The following LIFR variants were observed in gnomAD, a reference collection of about 807,000 sequenced individuals.
LIFR encodes the protein LIF receptor subunit alpha.
A neutral mutation model predicts 122.2 loss-of-function variants in LIFR; 84 were observed. That is an observed-to-expected ratio of 0.69 (90% CI 0.58 to 0.82). The LOEUF (loss-of-function observed/expected upper bound fraction) is 0.82, where lower values mean the gene tolerates loss of function less well. Ranked by LOEUF, LIFR falls within the 40% of genes least tolerant of loss-of-function variation. The pLI is 0.00. For missense variants in LIFR, 1,294 were observed against 1,311.6 expected, an observed-to-expected ratio of 0.99 and a Z score of 0.21; for synonymous variants, 422 against 434.7, an observed-to-expected ratio of 0.97 and a Z score of 0.36.
chr5:38,574,478 T>A (rs1414185786), intron 1 of LIFR, among the ~76,000 whole-genome samples: 1 of 152,196 alleles, frequency 6.6e-6, no homozygotes, highest in Non-Finnish European at 1.5e-5. Context: ...CAAGGACACT[T>A]TTTTGTTTCC....
rs575862798 is a variant in LIFR at position 38,481,430 on chromosome 5, C to T, written c.*165G>A. ...GAGTCACTATACTTTGGCTTTTAGA[C>T]TACATTAAAAGCACATGAACACTTT... On this transcript the variant is annotated 3_prime_UTR_variant, in exon 20 of 20. Transcript: ENST00000453190. 2.6e-6 allele frequency: 2 copies of T among 778,354 alleles called. No individual in the cohort carries two copies. The highest frequency in any genetic ancestry group is 2.5e-5 in the East Asian group (1 of 39,534). 48.2% of individuals were successfully genotyped at this position (778,354 alleles called of 1,614,324 possible).
chr5:38,500,077 C>A (rs1580047293), intron 11 of LIFR, among the ~76,000 whole-genome samples: 1 of 152,080 alleles, frequency 6.6e-6, no homozygotes, highest in Non-Finnish European at 1.5e-5. Flanking sequence ...TTCCCTTCAC[C>A]CCCTCCTTAT....
At chr5:38,583,108 A>G (rs1302379436) in intron 1 of LIFR, among the ~76,000 whole-genome samples, 1 of 152,248 alleles carries the variant, frequency 6.6e-6, no homozygotes, top group East Asian at 1.9e-4. Context: ...TGCCTTGCAC[A>G]TACGTAACGT....
chr5:38,492,759 C>T (rs1360867209), intron 14 of LIFR, among the ~76,000 whole-genome samples: 1 of 152,112 alleles, frequency 6.6e-6, no homozygotes, highest in Non-Finnish European at 1.5e-5. Flanking sequence ...TCTGCACTTC[C>T]CTAACACGCG....
chr5:38,483,290 G>T (rs1408216470), intron 18 of LIFR, among the ~76,000 whole-genome samples: 1 of 152,192 alleles, frequency 6.6e-6, no homozygotes, highest in Non-Finnish European at 1.5e-5. Context: ...CTACTAAAAA[G>T]AACTGTATTA....
intron 9 of LIFR, among the ~76,000 whole-genome samples, chr5:38,504,532 AG>A (rs1428933400): frequency 1.3e-5 from 2 of 152,224 alleles, no homozygotes; most frequent in Admixed American, 6.5e-5. Context: ...TGGTAAGGTA[AG>A]TCTTACAGTG....
intron 5 of LIFR, among the ~76,000 whole-genome samples, chr5:38,513,000 T>C (rs1745883661): frequency 6.6e-6 from 1 of 152,132 alleles, no homozygotes; most frequent in Non-Finnish European, 1.5e-5. Flanking sequence ...CAAATTATTA[T>C]TAATTGTGAG....
chr5:38,498,568 C>T (rs1745008082), intron 12 of LIFR, among the ~76,000 whole-genome samples: 1 of 152,202 alleles, frequency 6.6e-6, no homozygotes, highest in Admixed American at 6.5e-5. Flanking sequence ...TCTACCCGAA[C>T]ACACTCTGAC....
At chr5:38,537,998 G>A (rs766289726) in intron 1 of LIFR, among the ~76,000 whole-genome samples, 6 of 151,794 alleles carry the variant, frequency 4.0e-5, no homozygotes, top group East Asian at 1.9e-4. Context: ...TTCTCATGCC[G>A]GGACTATGCA....
At chr5:38,601,780 A>C (rs1191260311) in intron 2 of LIFR, among the ~76,000 whole-genome samples, 2 of 151,832 alleles carry the variant, frequency 1.3e-5, no homozygotes, top group East Asian at 3.9e-4. Context: ...TAGGCTGGCA[A>C]CTCCCAAATA....
intron 1 of LIFR, among the ~76,000 whole-genome samples, chr5:38,575,044 T>G (rs372827941): frequency 6.6e-6 from 1 of 152,152 alleles, no homozygotes; most frequent in South Asian, 2.1e-4. Context: ...CTGGAAACTA[T>G]CCACATGCCC....
intron 1 of LIFR, among the ~76,000 whole-genome samples, chr5:38,590,995 A>G (rs567317995): frequency 1.3e-4 from 20 of 152,372 alleles, no homozygotes; most frequent in African/African-American, 4.8e-4. Context: ...GAGGGACAGT[A>G]GTCAAATGAT....
At position 38,506,028 on chromosome 5, in the gene LIFR, T is replaced by G; in HGVS notation, c.1168A>C (p.Asn390His). 1 of 1,606,024 alleles carries G rather than the reference T, an allele frequency of 6.2e-7. No homozygotes were observed. Among genetic ancestry groups the G allele is most frequent in the South Asian group, 1.1e-5 (1 of 89,732 alleles). The change falls in exon 9 of 20, where the codon AAC becomes CAC. Residue 390 changes from asparagine to histidine, a missense_variant. Transcript: ENST00000453190. Reference protein sequence around the residue: ...VRLKRAEAPTNESYQLLFQML... With the variant: ...VRLKRAEAPTHESYQLLFQML... ...TGAAATAATAATTGATAGCTTTCGT[T>G]TGTAGGTGCTTCAGCTCTTTTAAGT...
chr5:38,533,401 A>G (rs551685858), intron 1 of LIFR, among the ~76,000 whole-genome samples: 2 of 152,332 alleles, frequency 1.3e-5, no homozygotes, highest in African/African-American at 4.8e-5. Context: ...AAGCACAGGC[A>G]GAACTTGAGC....
chr5:38,572,438 T>C (rs1319288624), intron 1 of LIFR, among the ~76,000 whole-genome samples: 1 of 152,212 alleles, frequency 6.6e-6, no homozygotes, highest in East Asian at 1.9e-4. Flanking sequence ...GATTCATTCA[T>C]ATCCCACCAG....
intron 1 of LIFR, among the ~76,000 whole-genome samples, chr5:38,552,457 A>G (rs577989362): frequency 6.6e-6 from 1 of 152,226 alleles, no homozygotes; most frequent in Non-Finnish European, 1.5e-5. Flanking sequence ...AAGTACCTAC[A>G]TATATTTTAT....
chr5:38,506,456 T>A, intron 8 of LIFR, 47 bp downstream of exon 8: 1 of 1,610,266 alleles, frequency 6.2e-7, no homozygotes, highest in Non-Finnish European at 8.5e-7. Flanking sequence ...AACATGCACT[T>A]CCAACGTACT....
intron 1 of LIFR, among the ~76,000 whole-genome samples, chr5:38,551,830 C>T (rs1014563883): frequency 5.3e-5 from 8 of 152,230 alleles, no homozygotes; most frequent in Admixed American, 1.3e-4. Flanking sequence ...AAACACATAT[C>T]TTTGCTCACC....
Position 38,545,366 on chromosome 5 carries a change from A to ATG in LIFR, c.-20+10966_-20+10967dup, listed in dbSNP as rs1019105569. Among the ~76,000 whole-genome samples, 105 of 149,318 alleles carry ATG rather than the reference A, an allele frequency of 7.0e-4. 1 individual carries two copies. The highest frequency in any genetic ancestry group is 2.3e-3 in the African/African-American group (89 of 39,420). The stretch of plus-strand genomic sequence containing the variant: ...CATAAATATATGTGTGTGTGTGTGT[A>ATG]TGTGTGTGTGTGTATACACATATAT... On this transcript the variant is annotated intron_variant, in intron 1 of 19. Coordinates refer to ENST00000453190, the MANE Select transcript of LIFR (RefSeq NM_001127671.2).
Sources: allele counts gnomAD v4.1 joint callset (sites outside exome capture counted in the v4.1 genomes callset), GRCh38; gene constraint gnomAD v4.1.1; transcripts MANE v1.5; gene names NCBI Gene and HGNC (gene_info 2026-07-23, HGNC 2026-07-21).